Variants in CADM2 observed in about 807,000 individuals in gnomAD.
The protein encoded by CADM2 is cell adhesion molecule 2.
CADM2 carries 12 observed loss-of-function variants against 49.8 expected under a neutral mutation model. The observed-to-expected ratio is 0.24, with a 90% confidence interval of 0.15 to 0.39. The LOEUF (loss-of-function observed/expected upper bound fraction) is 0.39, where lower values mean the gene tolerates loss of function less well. CADM2 is among the 10% of genes least tolerant of loss of function. The pLI is 1.00. For missense variants in CADM2, 378 were observed against 492.3 expected (o/e 0.77, Z 2.20); for synonymous variants, 214 against 175.4 (o/e 1.22, Z -1.74).
At chr3:85,596,471 A>C (rs1174940719) in intron 1 of CADM2, among the ~76,000 whole-genome samples, 1 of 152,136 alleles carries the variant, frequency 6.6e-6, no homozygotes, top group African/African-American at 2.4e-5. Flanking sequence ...TATTGATATA[A>C]AATGGTGACT....
At chr3:85,789,743 T>C (rs2071215509) in intron 2 of CADM2, among the ~76,000 whole-genome samples, 1 of 152,178 alleles carries the variant, frequency 6.6e-6, no homozygotes. Flanking sequence ...AAAATATATT[T>C]TAAAGTCTTC....
At chr3:84,982,726 T>G (rs1293003215) in intron 1 of CADM2, among the ~76,000 whole-genome samples, 1 of 126,148 alleles carries the variant, frequency 7.9e-6, no homozygotes, top group African/African-American at 2.9e-5. Flanking sequence ...TATATATATA[T>G]ATATATATAC....
intron 1 of CADM2, among the ~76,000 whole-genome samples, chr3:85,223,575 A>T (rs1178947782): frequency 1.3e-5 from 2 of 152,098 alleles, no homozygotes; most frequent in Non-Finnish European, 2.9e-5. Flanking sequence ...AGGTAAAGGA[A>T]GACAAATGTT....
At position 86,074,094 on chromosome 3, in the gene CADM2, T is replaced by C. The variant is rs994632523; in HGVS notation, c.*7311T>C. 3 of 151,924 alleles carry C rather than the reference T, an allele frequency of 2.0e-5. No individual in the cohort carries two copies. The highest frequency in any genetic ancestry group is 6.6e-5 in the Admixed American group (1 of 15,222). The allele number at this position is 151,924 out of a possible 1,614,324, so 9.4% of individuals were successfully genotyped here. On this transcript the variant is annotated 3_prime_UTR_variant, in exon 10 of 10. Coordinates refer to ENST00000383699, the MANE Select transcript of CADM2 (RefSeq NM_001167675.2). Reference sequence around the variant, plus strand: ...CTTATGTGTGTTTACTAATGTTGAGTAGGAACAGAAGCAAAAATACCTAAA... The same window carrying C: ...CTTATGTGTGTTTACTAATGTTGAGCAGGAACAGAAGCAAAAATACCTAAA...
At position 86,072,758 on chromosome 3, in the gene CADM2, A is replaced by C. The variant is rs1703355235; in HGVS notation, c.*5975A>C. ...ATATTGATGTTTGAAGGCAGTGGTC[A>C]CCAATTGGTTAAAAAACTATGAAAT... On this transcript the variant is annotated 3_prime_UTR_variant, in exon 10 of 10. Coordinates refer to ENST00000383699, the MANE Select transcript of CADM2 (RefSeq NM_001167675.2). The C allele has an allele frequency of 6.6e-6, 1 of 152,050 alleles. No homozygotes were observed. The highest frequency in any genetic ancestry group is 2.4e-5 in the African/African-American group (1 of 41,454). The allele number at this position is 152,050 out of a possible 1,614,324, so 9.4% of individuals were successfully genotyped here. A position where few individuals can be genotyped will look rare whatever the true frequency, so the allele number is the denominator to read the frequency against.
intron 7 of CADM2, among the ~76,000 whole-genome samples, chr3:85,940,164 CAAAAAAAAAAAAA>C (rs10527231): frequency 0.089 from 4,650 of 52,350 alleles, 306 homozygotes; most frequent in African/African-American, 0.25. Flanking sequence ...ACTAAAAATA[CAAAAAAAAAAAAA>C]AAAAAAAAAA....
intron 1 of CADM2, among the ~76,000 whole-genome samples, chr3:85,597,741 C>A (rs559891836): frequency 6.6e-6 from 1 of 151,912 alleles, no homozygotes; most frequent in Admixed American, 6.6e-5. Flanking sequence ...TATTAAACTT[C>A]GATAAAAACA....
At chr3:85,419,508 G>A (rs2036072803) in intron 1 of CADM2, among the ~76,000 whole-genome samples, 1 of 151,824 alleles carries the variant, frequency 6.6e-6, no homozygotes, top group Non-Finnish European at 1.5e-5. Context: ...AATATGTGCT[G>A]CTATTCTTGG....
chr3:85,294,589 G>A (rs995001988), intron 1 of CADM2, among the ~76,000 whole-genome samples: 1 of 151,982 alleles, frequency 6.6e-6, no homozygotes, highest in African/African-American at 2.4e-5. Flanking sequence ...TACCAAAACA[G>A]AGATATAGAT....
chr3:85,026,200 A>T (rs940035459), intron 1 of CADM2, among the ~76,000 whole-genome samples: 11 of 152,216 alleles, frequency 7.2e-5, no homozygotes, highest in Non-Finnish European at 1.5e-4. Context: ...TGTGAGTTAT[A>T]CATTGACTTC....
intron 1 of CADM2, among the ~76,000 whole-genome samples, chr3:85,673,127 G>A (rs190354416): frequency 1.3e-5 from 2 of 152,266 alleles, no homozygotes; most frequent in Admixed American, 6.5e-5. Flanking sequence ...TAAGGACACA[G>A]CACCAGGGGA....
intron 1 of CADM2, among the ~76,000 whole-genome samples, chr3:85,521,865 C>G (rs1290641195): frequency 1.3e-5 from 2 of 151,964 alleles, no homozygotes; most frequent in Non-Finnish European, 2.9e-5. Flanking sequence ...TACTCAGTAG[C>G]TGAAAATGAA....
chr3:86,071,752 A>G lies in CADM2; in HGVS notation c.*4969A>G, dbSNP rs555829969. The G allele has an allele frequency of 6.6e-6, 1 of 152,068 alleles. No homozygotes were observed. The highest frequency in any genetic ancestry group is 2.4e-5 in the African/African-American group (1 of 41,544). The allele number at this position is 152,068 out of a possible 1,614,324, so 9.4% of individuals were successfully genotyped here. On this transcript the variant is annotated 3_prime_UTR_variant, in exon 10 of 10. Transcript: ENST00000383699. ...CTGCATTTGTTTTTCCTTTTCTATC[A>G]TTAGCTTTTCCTAAAGGCAAAATAT...
intron 6 of CADM2, among the ~76,000 whole-genome samples, chr3:85,915,660 A>G (rs553777669): frequency 6.6e-6 from 1 of 152,260 alleles, no homozygotes; most frequent in East Asian, 1.9e-4. Flanking sequence ...AGAACTTTCC[A>G]TGAATGAGAA....
chr3:85,825,720 G>A (rs1013316438), intron 3 of CADM2, among the ~76,000 whole-genome samples: 2 of 152,010 alleles, frequency 1.3e-5, no homozygotes, highest in African/African-American at 2.4e-5. Flanking sequence ...TTTAGTCACT[G>A]TGTACCGATT....
chr3:85,899,111 G>T (rs977674973), intron 5 of CADM2, among the ~76,000 whole-genome samples: 1 of 150,324 alleles, frequency 6.7e-6, no homozygotes, highest in East Asian at 2.0e-4. Context: ...GATTACAGGC[G>T]TGCACCAACA....
intron 8 of CADM2, among the ~76,000 whole-genome samples, chr3:86,032,407 T>C (rs1042033399): frequency 6.6e-6 from 1 of 151,892 alleles, no homozygotes; most frequent in African/African-American, 2.4e-5. Flanking sequence ...CTTTAAAGGA[T>C]AAAGGGTTCT....
At chr3:85,616,358 C>A (rs1403416085) in intron 1 of CADM2, among the ~76,000 whole-genome samples, 1 of 151,964 alleles carries the variant, frequency 6.6e-6, no homozygotes, top group African/African-American at 2.4e-5. Flanking sequence ...AAATAGCATT[C>A]AAAAGAACAC....
chr3:85,468,397 G>C (rs2038616504), intron 1 of CADM2, among the ~76,000 whole-genome samples: 2 of 151,986 alleles, frequency 1.3e-5, no homozygotes, highest in Admixed American at 6.6e-5. Context: ...GTCCTGTCCA[G>C]AGCTGTCTCC....
Sources: gnomAD v4.1 joint callset for allele counts (sites outside exome capture counted in the v4.1 genomes callset) on GRCh38, gnomAD v4.1.1 for gene constraint, MANE v1.5 for transcripts, NCBI Gene and HGNC (gene_info 2026-07-23, HGNC 2026-07-21) for gene names.